The following SPIDR variants were observed in gnomAD, a reference collection of about 807,000 sequenced individuals.
SPIDR encodes DNA repair-scaffolding protein.
SPIDR carries 93 observed loss-of-function variants against 104.6 expected under a neutral mutation model. The ratio of observed to expected loss-of-function variants is 0.89; its 90% CI spans 0.75 to 1.06. The LOEUF (loss-of-function observed/expected upper bound fraction) is 1.06. Ranked by LOEUF, SPIDR falls within the 50% of genes least tolerant of loss-of-function variation. The pLI, the probability that SPIDR is intolerant of heterozygous loss-of-function variation, is 0.00. For missense variants in SPIDR, 1,154 were observed against 1,111.2 expected (o/e 1.04, Z -0.55); for synonymous variants, 431 against 416.9 (o/e 1.03, Z -0.41).
At position 47,595,851 on chromosome 8, in the gene SPIDR, C is replaced by A; in HGVS notation, c.1138C>A (p.Leu380Met). The change falls in exon 9 of 20, where the codon CTG becomes ATG. Residue 380 changes from leucine to methionine, a missense_variant. By Grantham distance (15) the Leu-to-Met change is conservative. Transcript: ENST00000297423. ...TCCAAGTGGAAGTTGCCCTGTTATT[C>A]TGAATACTTACTTTTGTGAGAAAGT... is the stretch of plus-strand genomic sequence containing the variant. ...IIPSGSCPVI[L>M]NTYFCEKVVA... 6.2e-7 allele frequency: 1 copy of A among 1,614,178 alleles called. No homozygotes were observed. The highest frequency in any genetic ancestry group is 2.2e-5 in the East Asian group (1 of 44,892).
intron 7 of SPIDR, among the ~76,000 whole-genome samples, chr8:47,431,048 T>C (rs1442096440): frequency 1.3e-5 from 2 of 152,196 alleles, no homozygotes; most frequent in East Asian, 3.9e-4. Context: ...CCACAGACTG[T>C]GACGTAAAGA....
At chr8:47,315,785 C>A (rs1450108392) in intron 5 of SPIDR, among the ~76,000 whole-genome samples, 1 of 152,220 alleles carries the variant, frequency 6.6e-6, no homozygotes, top group South Asian at 2.1e-4. Context: ...ATAAAAAGTG[C>A]TGGAACAACT....
chr8:47,538,467 C>G (rs893521214), intron 8 of SPIDR, among the ~76,000 whole-genome samples: 11 of 152,096 alleles, frequency 7.2e-5, no homozygotes, highest in Non-Finnish European at 1.6e-4. Context: ...TTGCTTGAAC[C>G]TGGGAGGTGG....
At chr8:47,611,508 C>G (rs2154431111) in intron 10 of SPIDR, among the ~76,000 whole-genome samples, 1 of 152,146 alleles carries the variant, frequency 6.6e-6, no homozygotes, top group South Asian at 2.1e-4. Flanking sequence ...ACCATCCTGG[C>G]TAACACAGTG....
At chr8:47,431,473 G>T (rs1484349949) in intron 7 of SPIDR, among the ~76,000 whole-genome samples, 1 of 152,132 alleles carries the variant, frequency 6.6e-6, no homozygotes, top group African/African-American at 2.4e-5. Flanking sequence ...TTTAAAATTG[G>T]ACATTTCATT....
chr8:47,326,577 G>A (rs1554600451), intron 5 of SPIDR, among the ~76,000 whole-genome samples: 1 of 152,144 alleles, frequency 6.6e-6, no homozygotes, highest in African/African-American at 2.4e-5. Context: ...TCATCACTCT[G>A]CAAGGAGACA....
chr8:47,542,700 T>C (rs961926548), intron 8 of SPIDR, among the ~76,000 whole-genome samples: 1 of 152,200 alleles, frequency 6.6e-6, no homozygotes, highest in Admixed American at 6.5e-5. Context: ...ATGTATCCTT[T>C]ACCCAGTTTC....
At chr8:47,489,987 C>G (rs1454321255) in intron 8 of SPIDR, among the ~76,000 whole-genome samples, 1 of 152,134 alleles carries the variant, frequency 6.6e-6, no homozygotes, top group Non-Finnish European at 1.5e-5. Flanking sequence ...GCAACAAAAG[C>G]CAAAATTGAC....
intron 10 of SPIDR, among the ~76,000 whole-genome samples, chr8:47,652,839 G>A (rs1189888160): frequency 6.6e-6 from 1 of 152,116 alleles, no homozygotes; most frequent in Admixed American, 6.5e-5. Flanking sequence ...CATTAGACAG[G>A]ACTGGTTTCC....
chr8:47,396,525 T>A lies in SPIDR; in HGVS notation c.675T>A (p.Asp225Glu). Residue 225 changes from aspartate to glutamate, a missense_variant, in exon 6 of 20, where the codon GAT becomes GAA. Physicochemically the swap from Asp to Glu is conservative, Grantham distance 45. Coordinates refer to ENST00000297423, the MANE Select transcript of SPIDR (RefSeq NM_001080394.4). ...DARQIMERLI[D>E]PRTKSTETIL... is the part of the protein sequence containing the mutation. Reference sequence around the variant, plus strand: ...GACAGATTATGGAGAGACTGATAGATCCAAGGACAAAATCAACAGAGACCA... The same window carrying A: ...GACAGATTATGGAGAGACTGATAGAACCAAGGACAAAATCAACAGAGACCA... 6.2e-7 allele frequency: 1 copy of A among 1,614,118 alleles called. No individual in the cohort carries two copies. Among genetic ancestry groups the A allele is most frequent in the Non-Finnish European group, 8.5e-7 (1 of 1,180,014 alleles).
chr8:47,459,515 T>A (rs1303627668), intron 8 of SPIDR, among the ~76,000 whole-genome samples: 3 of 152,202 alleles, frequency 2.0e-5, no homozygotes, highest in Non-Finnish European at 4.4e-5. Flanking sequence ...CTTATTTGGA[T>A]CTTCTCTCTC....
intron 5 of SPIDR, among the ~76,000 whole-genome samples, chr8:47,354,487 T>A (rs76363832): frequency 1.2e-3 from 183 of 152,218 alleles, no homozygotes; most frequent in South Asian, 5.0e-3. Flanking sequence ...TAATTTTTTT[T>A]AAAAAATTTG....
At chr8:47,550,158 T>G (rs1245512472) in intron 8 of SPIDR, among the ~76,000 whole-genome samples, 1 of 152,140 alleles carries the variant, frequency 6.6e-6, no homozygotes, top group Non-Finnish European at 1.5e-5. Flanking sequence ...ATCCTGTTTT[T>G]GTTACTGTAG....
At chr8:47,666,012 C>T (rs1002027155) in intron 10 of SPIDR, among the ~76,000 whole-genome samples, 2 of 151,872 alleles carry the variant, frequency 1.3e-5, no homozygotes, top group African/African-American at 4.8e-5. Flanking sequence ...TTATTTATGC[C>T]GTGGTTTCCC....
At chr8:47,687,240 G>T (rs2077942414) in intron 11 of SPIDR, among the ~76,000 whole-genome samples, 1 of 152,116 alleles carries the variant, frequency 6.6e-6, no homozygotes, top group African/African-American at 2.4e-5. Flanking sequence ...TTTGTTGGTT[G>T]TTGCTGTTAA....
In SPIDR at chr8:47,276,517, C is replaced by T. The variant is rs1554554031; in HGVS notation, c.34-3345C>T. Among the ~76,000 whole-genome samples the T allele has an allele frequency of 2.7e-3, 406 of 152,124 alleles. 3 individuals carry two copies. Among genetic ancestry groups the T allele is most frequent in the Admixed American group, 5.4e-3 (83 of 15,300 alleles). ...TATTAAAATGTAGGTAACAAATATA[C>T]TTGTACATCTATAATGTGGACAAAT... is the stretch of plus-strand genomic sequence containing the variant. On this transcript the variant is annotated intron_variant, in intron 1 of 19. Coordinates refer to ENST00000297423, the MANE Select transcript of SPIDR (RefSeq NM_001080394.4).
intron 8 of SPIDR, among the ~76,000 whole-genome samples, chr8:47,570,204 G>A (rs1464819604): frequency 6.6e-6 from 1 of 152,164 alleles, no homozygotes; most frequent in African/African-American, 2.4e-5. Flanking sequence ...ATTCAAGACA[G>A]TGTTGACATA....
intron 11 of SPIDR, among the ~76,000 whole-genome samples, chr8:47,686,407 T>G (rs2077831963): frequency 6.6e-6 from 1 of 152,242 alleles, no homozygotes. Context: ...ATTTGAATTT[T>G]GGAAAAAATA....
chr8:47,444,175 A>G (rs2070071186), intron 8 of SPIDR, among the ~76,000 whole-genome samples: 1 of 152,242 alleles, frequency 6.6e-6, no homozygotes, highest in Non-Finnish European at 1.5e-5. Flanking sequence ...TAATGATTCC[A>G]AAGAAACATC....
Sources: allele counts gnomAD v4.1 joint callset (sites outside exome capture counted in the v4.1 genomes callset), GRCh38; gene constraint gnomAD v4.1.1; transcripts MANE v1.5; gene names NCBI Gene and HGNC (gene_info 2026-07-23, HGNC 2026-07-21).